Variants in AP1S3 observed in about 807,000 individuals in gnomAD.
AP1S3 encodes the protein AP-1 complex subunit sigma-3.
Under a neutral mutation model 20.9 loss-of-function variants are expected in AP1S3, and 10 were observed. The observed-to-expected ratio is 0.48, with a 90% CI of 0.29 to 0.81. The LOEUF is 0.81. Among genes scored for constraint, AP1S3 ranks in the 30% least tolerant of loss-of-function variants. The pLI is 0.08. For missense variants in AP1S3, 154 were observed against 183.8 expected, an observed-to-expected ratio of 0.84 and a Z score of 0.94; for synonymous variants, 41 against 61.5, an observed-to-expected ratio of 0.67 and a Z score of 1.56.
intron 1 of AP1S3, among the ~76,000 whole-genome samples, chr2:223,806,686 A>C (rs1245084121): frequency 6.6e-6 from 1 of 152,136 alleles, no homozygotes; most frequent in Non-Finnish European, 1.5e-5. Context: ...TTCAATATTT[A>C]GAATATGTAT....
intron 1 of AP1S3, among the ~76,000 whole-genome samples, chr2:223,825,677 T>C (rs958352387): frequency 1.6e-5 from 2 of 125,652 alleles, no homozygotes; most frequent in East Asian, 2.3e-4. Context: ...ACAGATCTTA[T>C]ATTTGTGGGG....
intron 4 of AP1S3, among the ~76,000 whole-genome samples, chr2:223,763,962 C>T (rs1214820948): frequency 6.6e-6 from 1 of 152,192 alleles, no homozygotes; most frequent in Non-Finnish European, 1.5e-5. Flanking sequence ...CGCTCTGTCA[C>T]CCAGGTGGTG....
chr2:223,780,743 T>A (rs911422457), intron 1 of AP1S3, among the ~76,000 whole-genome samples: 13 of 130,044 alleles, frequency 1.0e-4, no homozygotes, highest in South Asian at 2.7e-4. Context: ...AGGTTCTTAA[T>A]AGTTCATCTT....
chr2:223,806,808 T>C (rs745701673), intron 1 of AP1S3, among the ~76,000 whole-genome samples: 3 of 152,222 alleles, frequency 2.0e-5, no homozygotes, highest in Non-Finnish European at 2.9e-5. Flanking sequence ...TTTATCTTTA[T>C]AACATCTTAA....
At chr2:223,823,996 T>C (rs1333251125) in intron 1 of AP1S3, among the ~76,000 whole-genome samples, 4 of 151,804 alleles carry the variant, frequency 2.6e-5, no homozygotes, top group Non-Finnish European at 5.9e-5. Flanking sequence ...TAGTAGACGG[T>C]TTGTCGTTGT....
At chr2:223,771,039 G>C (rs191309513) in intron 3 of AP1S3, among the ~76,000 whole-genome samples, 2 of 151,374 alleles carry the variant, frequency 1.3e-5, no homozygotes, top group African/African-American at 4.8e-5. Context: ...CCAGTCCCAA[G>C]TCAGGTTTCT....
chr2:223,821,840 A>G (rs1206638372), intron 1 of AP1S3, among the ~76,000 whole-genome samples: 1 of 152,240 alleles, frequency 6.6e-6, no homozygotes, highest in African/African-American at 2.4e-5. Context: ...CGTTATGTTC[A>G]TAGAGACATA....
At chr2:223,791,622 C>A (rs1437771348) in intron 1 of AP1S3, among the ~76,000 whole-genome samples, 2 of 152,196 alleles carry the variant, frequency 1.3e-5, no homozygotes, top group Non-Finnish European at 2.9e-5. Context: ...AAAACCAGCA[C>A]AAGATAAGGA....
rs977865270 is a variant in AP1S3 at position 223,757,749 on chromosome 2, G to T, written c.*966C>A. On this transcript the variant is annotated 3_prime_UTR_variant, in exon 5 of 5. Transcript: ENST00000396654. ...GTAAGAAAAGAAAAAAGAAGGAAAGGAATCTACCATATAGGCTGTGATAAT... is the reference window on the plus strand; with the variant it reads ...GTAAGAAAAGAAAAAAGAAGGAAAGTAATCTACCATATAGGCTGTGATAAT... 1.9e-5 allele frequency: 19 copies of T among 985,246 alleles called. No homozygotes were observed. In the South Asian group the frequency reaches 8.0e-4, roughly 41 times the overall value. 61.0% of individuals were successfully genotyped at this position (985,246 alleles called of 1,614,324 possible).
Position 223,775,883 on chromosome 2 carries a change from G to A in AP1S3, c.291+18C>T, listed in dbSNP as rs563285165. ...ATGGGGACTGTAGCTAATCCTAACCGACAAGGACAACACTTACATTTCCAA... is the reference window on the plus strand; with the variant it reads ...ATGGGGACTGTAGCTAATCCTAACCAACAAGGACAACACTTACATTTCCAA... On this transcript the variant is annotated intron_variant, in intron 3 of 4. Coordinates refer to ENST00000396654, the MANE Select transcript of AP1S3 (RefSeq NM_001039569.2). 13 of 1,599,976 alleles carry A rather than the reference G, an allele frequency of 8.1e-6. No homozygotes were observed. In the East Asian group the frequency reaches 1.1e-4, roughly 14 times the overall value.
intron 4 of AP1S3, among the ~76,000 whole-genome samples, chr2:223,764,743 T>C (rs950102514): frequency 6.6e-6 from 1 of 152,178 alleles, no homozygotes; most frequent in Non-Finnish European, 1.5e-5. Flanking sequence ...TATTCTCCTT[T>C]CCCAGGGAAG....
At position 223,837,525 on chromosome 2, in the gene AP1S3, GA is replaced by G; in HGVS notation, c.-76del. 9.4e-7 allele frequency: 1 copy of G among 1,069,344 alleles called. No homozygotes were observed. The highest frequency in any genetic ancestry group is 1.2e-6 in the Non-Finnish European group (1 of 833,154). The allele number at this position is 1,069,344 out of a possible 1,614,324, so 66.2% of individuals were successfully genotyped here. On this transcript the variant is annotated 5_prime_UTR_variant, in exon 1 of 5. Coordinates refer to ENST00000396654, the MANE Select transcript of AP1S3 (RefSeq NM_001039569.2). ...AAGCGAGGGCGAGAGGCGAGCGCTG[GA>G]GCCGGTGCGGCTGACAGGTGAGGCG...
At chr2:223,833,874 T>C (rs73991885) in intron 1 of AP1S3, among the ~76,000 whole-genome samples, 21,144 of 149,014 alleles carry the variant, frequency 0.14, 2,044 homozygotes, top group East Asian at 0.41. Flanking sequence ...TGGATGCCTT[T>C]ACACTCTTTT....
At chr2:223,814,624 T>C (rs1691804236) in intron 1 of AP1S3, among the ~76,000 whole-genome samples, 1 of 152,206 alleles carries the variant, frequency 6.6e-6, no homozygotes, top group Admixed American at 6.5e-5. Flanking sequence ...GAACATCCAC[T>C]ATTTACAAAA....
intron 1 of AP1S3, among the ~76,000 whole-genome samples, chr2:223,803,779 C>G (rs1691518717): frequency 6.6e-6 from 1 of 151,284 alleles, no homozygotes; most frequent in Non-Finnish European, 1.5e-5. Context: ...ACTCGGGAGG[C>G]TGAGGCAGGA....
At chr2:223,791,596 G>A (rs1324341693) in intron 1 of AP1S3, among the ~76,000 whole-genome samples, 1 of 152,166 alleles carries the variant, frequency 6.6e-6, no homozygotes, top group Non-Finnish European at 1.5e-5. Context: ...GGCAAAAGCT[G>A]GAAGCATTCC....
In AP1S3 at chr2:223,765,198, G is replaced by C; in HGVS notation, c.429+15C>G. 6.2e-7 allele frequency: 1 copy of C among 1,606,464 alleles called. No homozygotes were observed. The highest frequency in any genetic ancestry group is 8.5e-7 in the Non-Finnish European group (1 of 1,178,356). On this transcript the variant is annotated intron_variant, in intron 4 of 4. Transcript: ENST00000396654. ...ATCATCATCTTTCTCCCATGGTTTG[G>C]GAAACCGTACTGACCTCCTGTAACA...
intron 1 of AP1S3, among the ~76,000 whole-genome samples, chr2:223,820,897 TCA>T (rs1198509427): frequency 1.3e-5 from 2 of 152,152 alleles, no homozygotes; most frequent in Admixed American, 1.3e-4. Context: ...GGAACCAGTC[TCA>T]CTGCCCCAGC....
intron 1 of AP1S3, among the ~76,000 whole-genome samples, chr2:223,793,812 T>TG (rs960415031): frequency 6.6e-6 from 1 of 152,104 alleles, no homozygotes; most frequent in Non-Finnish European, 1.5e-5. Flanking sequence ...TACGTTTTTT[T>TG]TTTGTTTGTT....
Sources: allele counts gnomAD v4.1 joint callset (sites outside exome capture counted in the v4.1 genomes callset), GRCh38; gene constraint gnomAD v4.1.1; transcripts MANE v1.5; gene names NCBI Gene and HGNC (gene_info 2026-07-23, HGNC 2026-07-21).